KLF13: variants seen among roughly 807,000 people sequenced by gnomAD.
KLF13 encodes the protein Krueppel-like factor 13.
KLF13 carries 8 observed loss-of-function variants against 16.7 expected under a neutral mutation model. The observed-to-expected ratio is 0.48, with a 90% confidence interval of 0.28 to 0.87. The LOEUF (loss-of-function observed/expected upper bound fraction) is 0.87, where lower values mean the gene tolerates loss of function less well. Ranked by LOEUF, KLF13 falls within the 40% of genes least tolerant of loss-of-function variation. KLF13 has a pLI of 0.10. For missense variants in KLF13, 447 were observed against 452.2 expected (o/e 0.99, Z 0.10); for synonymous variants, 245 against 208.4 (o/e 1.18, Z -1.51).
intron 1 of KLF13, chr15:31,420,121 C>G (rs1241131877): frequency 1.8e-5 from 7 of 396,742 alleles, no homozygotes; most frequent in African/African-American, 1.0e-4. Context: ...AAGGAGAAGG[C>G]AGCCAAGTGG....
chr15:31,431,707 TCC>T (rs2040473988), intron 1 of KLF13, among the ~76,000 whole-genome samples: 1 of 152,088 alleles, frequency 6.6e-6, no homozygotes, highest in Non-Finnish European at 1.5e-5. Flanking sequence ...CTTGTGATCC[TCC>T]CGCCTCGGCC....
At chr15:31,351,475 G>T (rs1595465646) in intron 1 of KLF13, among the ~76,000 whole-genome samples, 1 of 55,316 alleles carries the variant, frequency 1.8e-5, no homozygotes, top group African/African-American at 1.3e-4. Flanking sequence ...CCTGGTCTGA[G>T]TGGTTGCCCC....
intron 1 of KLF13, among the ~76,000 whole-genome samples, chr15:31,338,997 C>A (rs951597280): frequency 2.0e-5 from 3 of 152,120 alleles, no homozygotes; most frequent in African/African-American, 7.2e-5. Context: ...AGCTGCTCAT[C>A]CTGGGAGACA....
rs1057070402 is a variant in KLF13, at chr15:31,327,345, A to G, written c.133A>G (p.Thr45Ala). ...GGGCGCGGCCGTGGCCGCCACCCCC[A>G]CGCTGCCCCGCGTCGAGGAGCGCCG... ...PEGAAVAATP[T>A]LPRVEERRDG... The change falls in exon 1 of 2, where the codon ACG (threonine) becomes GCG (alanine). Residue 45 changes from threonine (T) to alanine (A), a missense_variant. Thr to Ala is a moderately conservative substitution (Grantham distance 58). Transcript: ENST00000307145. 4.7e-6 allele frequency: 6 copies of G among 1,267,140 alleles called. No individual in the cohort carries two copies. The highest frequency in any genetic ancestry group is 6.1e-4 in the Middle Eastern group (2 of 3,264). The allele number at this position is 1,267,140 out of a possible 1,614,324, so 78.5% of individuals were successfully genotyped here. A position where few individuals can be genotyped will look rare whatever the true frequency, so the allele number is the denominator to read the frequency against.
intron 1 of KLF13, among the ~76,000 whole-genome samples, chr15:31,331,000 A>T (rs1053935493): frequency 6.6e-6 from 1 of 152,178 alleles, no homozygotes; most frequent in South Asian, 2.1e-4. Flanking sequence ...GGTTGCCCAG[A>T]TCCTGCCTCT....
chr15:31,415,615 CA>C (rs1472514352), intron 1 of KLF13, among the ~76,000 whole-genome samples: 1 of 151,962 alleles, frequency 6.6e-6, no homozygotes, highest in Admixed American at 6.6e-5. Context: ...ACGACATCCC[CA>C]AAGTAAAGGA....
chr15:31,399,906 T>A (rs573394439), intron 2 of KLF13, among the ~76,000 whole-genome samples: 1 of 152,360 alleles, frequency 6.6e-6, no homozygotes, highest in East Asian at 1.9e-4. Context: ...TGCCTTTTGC[T>A]TTCCTAGGCC....
intron 1 of KLF13, among the ~76,000 whole-genome samples, chr15:31,355,473 G>A (rs949511715): frequency 1.1e-4 from 17 of 152,206 alleles, no homozygotes; most frequent in African/African-American, 4.1e-4. Flanking sequence ...CTGTCTTTCT[G>A]TACGTTCATT....
At chr15:31,338,268 C>A (rs1468191348) in intron 1 of KLF13, among the ~76,000 whole-genome samples, 1 of 152,226 alleles carries the variant, frequency 6.6e-6, no homozygotes, top group Non-Finnish European at 1.5e-5. Flanking sequence ...TAGCACTGCA[C>A]ATGGCCTTGG....
intron 1 of KLF13, among the ~76,000 whole-genome samples, chr15:31,363,922 G>T (rs1207898207): frequency 6.6e-6 from 1 of 152,026 alleles, no homozygotes. Context: ...CCTGGTGTAG[G>T]GTGGGAAGTA....
At chr15:31,399,787 G>A (rs1325146449) in intron 2 of KLF13, among the ~76,000 whole-genome samples, 2 of 152,228 alleles carry the variant, frequency 1.3e-5, no homozygotes, top group Non-Finnish European at 2.9e-5. Context: ...GGGCTTTTTT[G>A]TGCATGTGCA....
At chr15:31,356,148 C>T (rs1024130975) in intron 1 of KLF13, among the ~76,000 whole-genome samples, 13 of 152,126 alleles carry the variant, frequency 8.5e-5, no homozygotes, top group African/African-American at 2.7e-4. Context: ...ACATAGTACC[C>T]GATAGGTAGT....
At chr15:31,397,468 G>C (rs572505699) in intron 2 of KLF13, among the ~76,000 whole-genome samples, 63 of 152,370 alleles carry the variant, frequency 4.1e-4, no homozygotes, top group African/African-American at 1.4e-3. Flanking sequence ...AAGAGGTCCA[G>C]ACGCCTCGGA....
At chr15:31,405,287 C>G (rs1011385485), downstream of KLF13, among the ~76,000 whole-genome samples, 2 of 152,168 alleles carry the variant, frequency 1.3e-5, no homozygotes, top group African/African-American at 4.8e-5. Flanking sequence ...GCACTCCAGT[C>G]TGGCCAACAA....
intron 1 of KLF13, among the ~76,000 whole-genome samples, chr15:31,333,957 G>C (rs547553231): frequency 1.1e-4 from 16 of 152,304 alleles, no homozygotes; most frequent in East Asian, 3.9e-4. Context: ...CCTCATGGGG[G>C]GGGGAGGGCA....
At chr15:31,383,280 G>C (rs1392781654) in intron 1 of KLF13, among the ~76,000 whole-genome samples, 1 of 152,238 alleles carries the variant, frequency 6.6e-6, no homozygotes, top group East Asian at 1.9e-4. Context: ...AACATGCTCA[G>C]AGCAGGGAGG....
At chr15:31,391,075 G>C (rs999246210), upstream of KLF13, among the ~76,000 whole-genome samples, 18 of 125,902 alleles carry the variant, frequency 1.4e-4, no homozygotes, top group Admixed American at 2.4e-4. Flanking sequence ...AGGGCTGTGG[G>C]GACTATGGCG....
downstream of KLF13, among the ~76,000 whole-genome samples, chr15:31,379,538 G>C (rs112575701): frequency 4.6e-4 from 70 of 152,298 alleles, no homozygotes; most frequent in African/African-American, 1.6e-3. Context: ...ACCATTCATG[G>C]AGCCCCCATC....
intron 2 of KLF13, among the ~76,000 whole-genome samples, chr15:31,399,112 C>G (rs913970494): frequency 1.3e-5 from 2 of 152,208 alleles, no homozygotes; most frequent in Admixed American, 1.3e-4. Flanking sequence ...GGCAAAGTTG[C>G]AATCACCCTC....
Sources: gnomAD v4.1 joint callset for allele counts (sites outside exome capture counted in the v4.1 genomes callset) on GRCh38, gnomAD v4.1.1 for gene constraint, MANE v1.5 for transcripts, NCBI Gene and HGNC (gene_info 2026-07-23, HGNC 2026-07-21) for gene names.